The following ELP3 variants were observed in gnomAD, a reference collection of about 807,000 sequenced individuals.
ELP3 encodes elongator acetyltransferase complex subunit 3.
Under a neutral mutation model 74.9 loss-of-function variants are expected in ELP3, and 56 were observed. The observed-to-expected ratio is 0.75, with a 90% CI of 0.60 to 0.93. The LOEUF (loss-of-function observed/expected upper bound fraction) is 0.93. ELP3 is among the 40% of genes least tolerant of loss of function. The probability of loss-of-function intolerance (pLI) is 0.00; values close to 1 mark genes in which losing one functional copy is unlikely to be tolerated. For missense variants in ELP3, 573 were observed against 686.5 expected, an observed-to-expected ratio of 0.83 and a Z score of 1.85; for synonymous variants, 222 against 239.8, an observed-to-expected ratio of 0.93 and a Z score of 0.68.
chr8:28,106,163 C>T (rs1260576947), intron 3 of ELP3, among the ~76,000 whole-genome samples: 1 of 152,134 alleles, frequency 6.6e-6, no homozygotes, highest in African/African-American at 2.4e-5. Flanking sequence ...TGGAATATAA[C>T]TTCACATATA....
rs947926380 is a variant in ELP3, at chr8:28,147,013, C to A, written c.1101-8929C>A. On this transcript the variant is annotated intron_variant, in intron 10 of 14. Transcript: ENST00000256398. The surrounding 1 kb of genome is among the most constrained non-coding windows in gnomAD (Gnocchi z 4.5). ...ACCCATGCAGTCTCATAGGGTCTTG[C>A]ACTTGGCTTAATATTCTGCTGTCAC... Among the ~76,000 whole-genome samples, 6 of 152,112 alleles carry A rather than the reference C, an allele frequency of 3.9e-5. No individual in the cohort carries two copies. The highest frequency in any genetic ancestry group is 1.4e-4 in the African/African-American group (6 of 41,408).
At position 28,106,749 on chromosome 8, in the gene ELP3, TGTCC is replaced by T; in HGVS notation, c.296_299del (p.Cys99TyrfsTer36). The T allele has an allele frequency of 1.2e-6, 2 of 1,613,048 alleles. No homozygotes were observed. The highest frequency in any genetic ancestry group is 1.7e-6 in the Non-Finnish European group (2 of 1,179,806). On this transcript the variant is annotated frameshift_variant, in exon 4 of 15. Coordinates refer to ENST00000256398, the MANE Select transcript of ELP3 (RefSeq NM_018091.6). LOFTEE classifies it high-confidence loss of function. ...GGCTGTGATGTGCAAACCCCACAGATGTCCACACATCAGTTTTACAGGAAATATA... is the reference window on the plus strand; with the variant it reads ...GGCTGTGATGTGCAAACCCCACAGATACACATCAGTTTTACAGGAAATATA...
intron 12 of ELP3, among the ~76,000 whole-genome samples, chr8:28,159,528 T>C (rs1051243478): frequency 2.0e-5 from 3 of 152,174 alleles, no homozygotes; most frequent in African/African-American, 7.2e-5. Context: ...TGTATACTTT[T>C]CTCTGTGCGT....
Position 28,158,607 on chromosome 8 carries a change from A to G in ELP3, c.1231A>G (p.Ile411Val). The G allele has an allele frequency of 6.2e-7, 1 of 1,613,746 alleles. No individual in the cohort carries two copies. Among genetic ancestry groups the G allele is most frequent in the East Asian group, 2.2e-5 (1 of 44,860 alleles). ...AACCAGAGAAGTTGGAATCCAAGAA[A>G]TTCATCACAAAGTACGGCCATACCA... Reference protein sequence around the residue: ...VRTREVGIQEIHHKVRPYQVE... With the variant: ...VRTREVGIQEVHHKVRPYQVE... Residue 411 changes from isoleucine to valine, a missense_variant, in exon 12 of 15, where the codon ATT becomes GTT. By Grantham distance (29) the Ile-to-Val change is conservative. Transcript: ENST00000256398.
Position 28,160,457 on chromosome 8 carries a change from G to T in ELP3, c.1485+1G>T. On this transcript the variant is annotated splice_donor_variant, in intron 13 of 14. Transcript: ENST00000256398. LOFTEE classifies it high-confidence loss of function. ...GGATCCTACTAAATTTCAGCATCAG[G>T]TATCCTGTATTCCATTTCTATTTGA... The T allele has an allele frequency of 6.2e-7, 1 of 1,612,520 alleles. No individual in the cohort carries two copies. Among genetic ancestry groups the T allele is most frequent in the Non-Finnish European group, 8.5e-7 (1 of 1,179,250 alleles).
chr8:28,182,381 GA>G (rs1423487749), intron 14 of ELP3, among the ~76,000 whole-genome samples: 1 of 152,110 alleles, frequency 6.6e-6, no homozygotes, highest in Non-Finnish European at 1.5e-5. Flanking sequence ...CCAACATGTT[GA>G]AACCCTGTCT....
At chr8:28,183,853 G>C (rs1478849506) in intron 14 of ELP3, among the ~76,000 whole-genome samples, 1 of 152,232 alleles carries the variant, frequency 6.6e-6, no homozygotes, top group Non-Finnish European at 1.5e-5. Flanking sequence ...GGAGCACTTG[G>C]TTCCTTGTAC....
At chr8:28,114,981 G>A (rs749385800) in intron 7 of ELP3, among the ~76,000 whole-genome samples, 6 of 152,140 alleles carry the variant, frequency 3.9e-5, no homozygotes, top group Non-Finnish European at 8.8e-5. Context: ...CGGCAGCAGT[G>A]GTGATGGAGA....
In ELP3 at chr8:28,108,874, G is replaced by A. The variant is rs76174758; in HGVS notation, c.393+898G>A. Reference sequence around the variant, plus strand: ...AAGTAAGGTGATGGCAGCTGAGATGGTTTAGCTGTGGTCGTTAGGAAGGGA... The same window carrying A: ...AAGTAAGGTGATGGCAGCTGAGATGATTTAGCTGTGGTCGTTAGGAAGGGA... On this transcript the variant is annotated intron_variant, in intron 5 of 14. Coordinates refer to ENST00000256398, the MANE Select transcript of ELP3 (RefSeq NM_018091.6). Among the ~76,000 whole-genome samples the A allele has an allele frequency of 1.2e-3, 182 of 152,286 alleles. 3 individuals carry two copies. The East Asian group carries it at 0.028, about 23-fold the overall frequency.
chr8:28,115,658 A>G (rs561442802), intron 7 of ELP3, among the ~76,000 whole-genome samples: 14 of 152,298 alleles, frequency 9.2e-5, no homozygotes, highest in African/African-American at 3.1e-4. Context: ...ACAGAGAGAT[A>G]AGCAATTTGC....
At chr8:28,091,885 G>A (rs1417730454), upstream of ELP3, among the ~76,000 whole-genome samples, 1 of 152,142 alleles carries the variant, frequency 6.6e-6, no homozygotes, top group African/African-American at 2.4e-5. Context: ...AGACAGAAGG[G>A]GAAAGAGGAA....
chr8:28,095,175 T>G (rs966810241), intron 1 of ELP3, among the ~76,000 whole-genome samples: 1 of 152,236 alleles, frequency 6.6e-6, no homozygotes, highest in Non-Finnish European at 1.5e-5. Context: ...CTGTTTTGCA[T>G]GTCCAAATCT....
intron 14 of ELP3, among the ~76,000 whole-genome samples, chr8:28,165,932 G>C (rs921434018): frequency 6.6e-6 from 1 of 152,140 alleles, no homozygotes; most frequent in African/African-American, 2.4e-5. Flanking sequence ...ATGGCTACAT[G>C]AGAAAATTGA....
chr8:28,110,314 G>A (rs1357650846), intron 5 of ELP3, 56 bp from the exon 6 acceptor site: 32 of 1,463,108 alleles, frequency 2.2e-5, no homozygotes, highest in Non-Finnish European at 3.0e-5. Flanking sequence ...CAGTCCTTTT[G>A]AAACTACTTT....
chr8:28,093,417 A>G, intron 1 of ELP3, 184 bp downstream of exon 1: 1 of 730,704 alleles, frequency 1.4e-6, no homozygotes, highest in Non-Finnish European at 2.2e-6. Flanking sequence ...TTGCTTTTTG[A>G]AGCACCCTAC....
rs556908274 is a variant in ELP3, at chr8:28,188,648, G to A, written c.1568-1001G>A. Among the ~76,000 whole-genome samples, 10 of 152,300 alleles carry A rather than the reference G, an allele frequency of 6.6e-5. No individual in the cohort carries two copies. In the South Asian group the frequency reaches 1.0e-3, roughly 16 times the overall value. On this transcript the variant is annotated intron_variant, in intron 14 of 14. Transcript: ENST00000256398. The stretch of plus-strand genomic sequence containing the variant: ...GGTGGGGACAAACACTTCTGTGCTC[G>A]GGACCCTCCCAGACCTCACCCAGTG...
chr8:28,091,431 T>C (rs1275460537), upstream of ELP3, among the ~76,000 whole-genome samples: 2 of 152,242 alleles, frequency 1.3e-5, no homozygotes, highest in East Asian at 3.8e-4. Flanking sequence ...GGAGAACTTA[T>C]GTTCATTGGT....
In ELP3 at chr8:28,140,513, C is replaced by T. The variant is rs143880179; in HGVS notation, c.1100+2622C>T. Among the ~76,000 whole-genome samples, 28 of 152,240 alleles carry T rather than the reference C, an allele frequency of 1.8e-4. No homozygotes were observed. In the East Asian group the frequency reaches 4.8e-3, roughly 26 times the overall value. ...GCAAATTTTCCTACTCACTAAAATT[C>T]GTTTGTGACTCAAATCCAATACTGG... On this transcript the variant is annotated intron_variant, in intron 10 of 14. Coordinates refer to ENST00000256398, the MANE Select transcript of ELP3 (RefSeq NM_018091.6).
At chr8:28,122,243 T>C (rs538996121) in intron 7 of ELP3, among the ~76,000 whole-genome samples, 2 of 152,362 alleles carry the variant, frequency 1.3e-5, no homozygotes, top group East Asian at 3.9e-4. Flanking sequence ...GGTGGTGGTC[T>C]GTAATTTTCT....
Sources: allele counts gnomAD v4.1 joint callset (sites outside exome capture counted in the v4.1 genomes callset), GRCh38; gene constraint gnomAD v4.1.1; non-coding constraint Gnocchi (gnomAD v3.1); transcripts MANE v1.5; gene names NCBI Gene and HGNC (gene_info 2026-07-23, HGNC 2026-07-21).